PARD3B: variants seen among roughly 807,000 people sequenced by gnomAD.
PARD3B encodes par-3 family cell polarity regulator beta, also known as partitioning defective 3 homolog B.
A neutral mutation model predicts 130.2 loss-of-function variants in PARD3B; 103 were observed. The ratio of observed to expected loss-of-function variants is 0.79; its 90% confidence interval spans 0.67 to 0.93. PARD3B has a LOEUF of 0.93. Among genes scored for constraint, PARD3B ranks in the 40% least tolerant of loss-of-function variants. The pLI, the probability that PARD3B is intolerant of heterozygous loss-of-function variation, is 0.00. For missense variants in PARD3B, 1,609 were observed against 1,499.2 expected (o/e 1.07, Z -1.21); for synonymous variants, 583 against 553.2 (o/e 1.05, Z -0.76).
At chr2:205,002,348 AC>A (rs1478172832) in intron 3 of PARD3B, among the ~76,000 whole-genome samples, 1 of 152,148 alleles carries the variant, frequency 6.6e-6, no homozygotes, top group East Asian at 1.9e-4. Context: ...ATGGTGCCAG[AC>A]CCTGTGCTGG....
intron 1 of PARD3B, among the ~76,000 whole-genome samples, chr2:204,684,735 T>C (rs914843849): frequency 6.6e-6 from 1 of 152,224 alleles, no homozygotes; most frequent in Non-Finnish European, 1.5e-5. Flanking sequence ...CCACTGCTTA[T>C]ATCTTTGAGA....
At chr2:205,381,190 TATATTATATATA>T (rs1175726085) in intron 18 of PARD3B, among the ~76,000 whole-genome samples, 2 of 122,870 alleles carry the variant, frequency 1.6e-5, no homozygotes, top group African/African-American at 6.6e-5. Flanking sequence ...ATAAAGAATA[TATATTATATATA>T]ATATATAAAG....
chr2:205,103,125 G>A (rs1261777707), intron 4 of PARD3B, among the ~76,000 whole-genome samples: 2 of 125,378 alleles, frequency 1.6e-5, no homozygotes, highest in South Asian at 5.1e-4. Context: ...TTATATTTAT[G>A]TAAAATAAAC....
At chr2:205,316,014 C>G (rs78385634) in intron 18 of PARD3B, among the ~76,000 whole-genome samples, 4,820 of 151,948 alleles carry the variant, frequency 0.032, 220 homozygotes, top group African/African-American at 0.11. Flanking sequence ...GGGACTTCCT[C>G]TGCAATGTTT....
In PARD3B at chr2:205,543,241, G is replaced by GA. The variant is rs888813299; in HGVS notation, c.3181-10074dup. Among the ~76,000 whole-genome samples the GA allele has an allele frequency of 2.5e-4, 37 of 149,252 alleles. No homozygotes were observed. In the South Asian group the frequency reaches 2.8e-3, roughly 11 times the overall value. ...AGACTGATACCATGTATGAATAACT[G>GA]AAAAAAAAACTGTACATAAACCAGG... On this transcript the variant is annotated intron_variant, in intron 21 of 22. Coordinates refer to ENST00000406610, the MANE Select transcript of PARD3B (RefSeq NM_001302769.2).
chr2:205,503,856 G>A (rs1170644570), intron 21 of PARD3B, among the ~76,000 whole-genome samples: 1 of 151,954 alleles, frequency 6.6e-6, no homozygotes, highest in East Asian at 1.9e-4. Context: ...TCATTGAGCA[G>A]TGGTTTGTAG....
chr2:204,755,466 T>C (rs2040627440), intron 2 of PARD3B, among the ~76,000 whole-genome samples: 1 of 152,120 alleles, frequency 6.6e-6, no homozygotes, highest in Admixed American at 6.6e-5. Context: ...ACCCAAACTC[T>C]TACGATAAAT....
intron 3 of PARD3B, among the ~76,000 whole-genome samples, chr2:204,965,597 A>G (rs376902502): frequency 1.1e-4 from 16 of 152,166 alleles, no homozygotes; most frequent in East Asian, 9.7e-4. Flanking sequence ...TGCCTGTATC[A>G]TATGAGTATA....
intron 19 of PARD3B, among the ~76,000 whole-genome samples, chr2:205,428,122 C>A (rs1435225505): frequency 1.3e-5 from 2 of 152,112 alleles, no homozygotes; most frequent in African/African-American, 4.8e-5. Flanking sequence ...GTGGCTCACA[C>A]CTGTAATCCC....
intron 2 of PARD3B, among the ~76,000 whole-genome samples, chr2:204,874,866 A>T (rs532403294): frequency 6.6e-6 from 1 of 152,324 alleles, no homozygotes; most frequent in South Asian, 2.1e-4. Context: ...CTGTCATTCA[A>T]TAATTTTTGT....
chr2:204,614,000 A>G (rs559898627), intron 1 of PARD3B, among the ~76,000 whole-genome samples: 1 of 151,630 alleles, frequency 6.6e-6, no homozygotes, highest in East Asian at 1.9e-4. Flanking sequence ...CTGTGAGGTA[A>G]TTCTGTGTCT....
chr2:205,606,740 C>T (rs62171588), intron 22 of PARD3B, among the ~76,000 whole-genome samples: 3 of 152,214 alleles, frequency 2.0e-5, no homozygotes, highest in Non-Finnish European at 2.9e-5. Flanking sequence ...AGGCTGTTAG[C>T]TCTGTATCTT....
chr2:204,718,066 G>A (rs542851547), intron 2 of PARD3B, among the ~76,000 whole-genome samples: 16 of 152,206 alleles, frequency 1.1e-4, no homozygotes, highest in African/African-American at 2.9e-4. Context: ...TAGAGAACCC[G>A]AGGGGAGAAA....
chr2:204,680,323 G>A (rs566717718), intron 1 of PARD3B, among the ~76,000 whole-genome samples: 6 of 151,894 alleles, frequency 4.0e-5, no homozygotes, highest in South Asian at 2.1e-4. Flanking sequence ...CGAAGAATTC[G>A]TTCATTTTAT....
At chr2:205,238,348 G>C (rs996790781) in intron 15 of PARD3B, among the ~76,000 whole-genome samples, 1 of 152,176 alleles carries the variant, frequency 6.6e-6, no homozygotes, top group Non-Finnish European at 1.5e-5. Context: ...GGCACCGGCT[G>C]TCATTCCATC....
chr2:205,109,403 G>C (rs564025801), intron 5 of PARD3B, among the ~76,000 whole-genome samples: 8 of 152,090 alleles, frequency 5.3e-5, no homozygotes, highest in African/African-American at 1.9e-4. Flanking sequence ...CAAATAAAAC[G>C]TGTTCCTCAA....
intron 2 of PARD3B, among the ~76,000 whole-genome samples, chr2:204,821,712 AT>A (rs1559172284): frequency 6.6e-6 from 1 of 151,868 alleles, no homozygotes; most frequent in Non-Finnish European, 1.5e-5. Flanking sequence ...AATAAAAAAA[AT>A]TAAAAAAAAA....
chr2:204,693,887 T>TGAG (rs1453885393), intron 2 of PARD3B, among the ~76,000 whole-genome samples: 1 of 152,058 alleles, frequency 6.6e-6, no homozygotes, highest in African/African-American at 2.4e-5. Flanking sequence ...ATTAGCTCCA[T>TGAG]GAGGAGGGGG....
In PARD3B at chr2:205,265,075, G is replaced by T. The variant is rs528726315; in HGVS notation, c.2185+19253G>T. ...AGGGAAAAATATCAACAGCGAAACCGGATAGATGTGGCACCAATAGCTTAC... is the reference window on the plus strand; with the variant it reads ...AGGGAAAAATATCAACAGCGAAACCTGATAGATGTGGCACCAATAGCTTAC... On this transcript the variant is annotated intron_variant, in intron 16 of 22. Coordinates refer to ENST00000406610, the MANE Select transcript of PARD3B (RefSeq NM_001302769.2). The surrounding 1 kb of genome is among the most constrained non-coding windows in gnomAD (Gnocchi z 4.3). 1.3e-5 allele frequency among the ~76,000 whole-genome samples: 2 copies of T among 151,780 alleles called. No homozygotes were observed. Among genetic ancestry groups the T allele is most frequent in the Admixed American group, 6.6e-5 (1 of 15,216 alleles).
Sources: allele counts gnomAD v4.1 joint callset (sites outside exome capture counted in the v4.1 genomes callset), GRCh38; gene constraint gnomAD v4.1.1; non-coding constraint Gnocchi (gnomAD v3.1); transcripts MANE v1.5; gene names NCBI Gene and HGNC (gene_info 2026-07-23, HGNC 2026-07-21).